Variants in CCDC138 observed in about 807,000 individuals in gnomAD.
CCDC138 encodes the protein coiled-coil domain-containing protein 138.
In CCDC138, 66 loss-of-function variants were observed where a neutral mutation model predicts 82.3. The ratio of observed to expected loss-of-function variants is 0.80; its 90% CI spans 0.66 to 0.98. The LOEUF is 0.98. Among genes scored for constraint, CCDC138 ranks in the 50% least tolerant of loss-of-function variants. CCDC138 has a pLI of 0.00. For missense variants in CCDC138, 816 were observed against 758.9 expected, an observed-to-expected ratio of 1.08 and a Z score of -0.88; for synonymous variants, 297 against 265.4, an observed-to-expected ratio of 1.12 and a Z score of -1.16.
chr2:108,786,761 G>A, upstream of CCDC138: 1 of 1,460,784 alleles, frequency 6.8e-7, no homozygotes. Context: ...CACTGCGGCC[G>A]CGTAGCGCCG....
At chr2:108,803,539 A>G (rs1322475993) in intron 6 of CCDC138, among the ~76,000 whole-genome samples, 1 of 152,162 alleles carries the variant, frequency 6.6e-6, no homozygotes, top group Non-Finnish European at 1.5e-5. Context: ...CTGCACCCTC[A>G]AGTCATCTTC....
chr2:108,866,745 C>T (rs775489314), intron 13 of CCDC138, among the ~76,000 whole-genome samples: 9 of 151,852 alleles, frequency 5.9e-5, no homozygotes, highest in East Asian at 1.9e-4. Context: ...TAGCTGGACG[C>T]GGTGACGGGT....
chr2:108,824,700 A>T (rs1686269981), intron 10 of CCDC138, among the ~76,000 whole-genome samples: 1 of 152,240 alleles, frequency 6.6e-6, no homozygotes, highest in African/African-American at 2.4e-5. Flanking sequence ...TATCTTTATC[A>T]AGTAGTATGT....
intron 10 of CCDC138, among the ~76,000 whole-genome samples, chr2:108,828,694 C>T (rs1362060288): frequency 6.6e-6 from 1 of 152,092 alleles, no homozygotes; most frequent in Non-Finnish European, 1.5e-5. Context: ...TAAAATTTAA[C>T]TCGGCTGGGC....
intron 7 of CCDC138, among the ~76,000 whole-genome samples, chr2:108,809,449 TGTGTG>T (rs1324254049): frequency 5.8e-4 from 13 of 22,330 alleles, no homozygotes; most frequent in Middle Eastern, 0.017. Context: ...CATGAAATGT[TGTGTG>T]TGTGTGTGTG....
chr2:108,812,216 A>G (rs540640837), intron 7 of CCDC138, among the ~76,000 whole-genome samples: 1 of 152,264 alleles, frequency 6.6e-6, no homozygotes, highest in East Asian at 1.9e-4. Flanking sequence ...TTCCATATAT[A>G]TATACATATC....
chr2:108,880,485 G>C (rs1696262370), downstream of CCDC138, among the ~76,000 whole-genome samples: 1 of 152,170 alleles, frequency 6.6e-6, no homozygotes, highest in Non-Finnish European at 1.5e-5. Flanking sequence ...TTCATAGCTA[G>C]AGAGGAGCCA....
At chr2:108,858,570 A>G (rs1693018350) in intron 13 of CCDC138, among the ~76,000 whole-genome samples, 1 of 152,146 alleles carries the variant, frequency 6.6e-6, no homozygotes, top group Non-Finnish European at 1.5e-5. Flanking sequence ...AGCCAGTACG[A>G]TTTATTAGAG....
At chr2:108,789,116 C>A in intron 3 of CCDC138, 150 bp downstream of exon 3, 1 of 603,558 alleles carries the variant, frequency 1.7e-6, no homozygotes, top group Non-Finnish European at 2.8e-6. Context: ...ATAGTTGAAG[C>A]GAGTCACTTA....
At chr2:108,866,105 T>C (rs1296220798) in intron 13 of CCDC138, among the ~76,000 whole-genome samples, 1 of 152,208 alleles carries the variant, frequency 6.6e-6, no homozygotes, top group Non-Finnish European at 1.5e-5. Flanking sequence ...CCTACTGGGA[T>C]GCAGGAGCCT....
chr2:108,863,271 C>G (rs1574285078), intron 13 of CCDC138, among the ~76,000 whole-genome samples: 3 of 152,224 alleles, frequency 2.0e-5, no homozygotes, highest in East Asian at 1.9e-4. Context: ...TAACAAAGCA[C>G]CAACCTAATC....
chr2:108,825,036 T>C (rs1217293675), intron 10 of CCDC138, among the ~76,000 whole-genome samples: 1 of 152,192 alleles, frequency 6.6e-6, no homozygotes, highest in Non-Finnish European at 1.5e-5. Flanking sequence ...GTACACAGAA[T>C]TACCTGTAAA....
intron 11 of CCDC138, among the ~76,000 whole-genome samples, chr2:108,842,193 A>G (rs188425778): frequency 8.9e-6 from 1 of 112,196 alleles, no homozygotes; most frequent in African/African-American, 3.0e-5. Context: ...ACACCTGGCT[A>G]ATTAAAAAGT....
chr2:108,836,531 T>C (rs1381579803), intron 10 of CCDC138, among the ~76,000 whole-genome samples: 1 of 152,212 alleles, frequency 6.6e-6, no homozygotes, highest in Non-Finnish European at 1.5e-5. Context: ...GAAGTGGGAT[T>C]GCTAGATCAT....
chr2:108,880,007 G>T (rs753246295), downstream of CCDC138, among the ~76,000 whole-genome samples: 12 of 152,142 alleles, frequency 7.9e-5, no homozygotes, highest in Non-Finnish European at 1.8e-4. Flanking sequence ...ATAAGCATGT[G>T]GTTGAGCTGG....
In CCDC138 at chr2:108,790,874, C is replaced by T. The variant is rs574146819; in HGVS notation, c.267-801C>T. Reference sequence around the variant, plus strand: ...TCAAACGATCCTCTCACCTCAGGCTCCTGAGTAGCTGGGACTACAGACGTG... The same window carrying T: ...TCAAACGATCCTCTCACCTCAGGCTTCTGAGTAGCTGGGACTACAGACGTG... On this transcript the variant is annotated intron_variant, in intron 3 of 14. Coordinates refer to ENST00000295124, the MANE Select transcript of CCDC138 (RefSeq NM_144978.3). Among the ~76,000 whole-genome samples, 21 of 152,202 alleles carry T rather than the reference C, an allele frequency of 1.4e-4. 1 individual carries two copies. In the East Asian group the frequency reaches 3.9e-3, roughly 28 times the overall value.
intron 11 of CCDC138, among the ~76,000 whole-genome samples, chr2:108,840,635 C>T (rs1689298088): frequency 6.6e-6 from 1 of 151,958 alleles, no homozygotes; most frequent in South Asian, 2.1e-4. Flanking sequence ...TTCTCTTATC[C>T]TTTTGATGTT....
In CCDC138 at chr2:108,786,899, G is replaced by A. The variant is rs1013807992; in HGVS notation, c.77G>A (p.Gly26Asp). The A allele has an allele frequency of 1.3e-6, 2 of 1,550,356 alleles. No homozygotes were observed. Among genetic ancestry groups the A allele is most frequent in the Non-Finnish European group, 1.7e-6 (2 of 1,151,372 alleles). Residue 26 changes from glycine to aspartate, a missense_variant, in exon 1 of 15, where the codon GGC becomes GAC. By Grantham distance (94) the Gly-to-Asp change is moderately conservative. Transcript: ENST00000295124. ...CTCAAAAGCCGCTACGGACTCGGGG[G>A]CAGCTGCCCCGACGAGGTGAAGCCG... ...ESLKSRYGLG[G>D]SCPDEYDFSN... is the part of the protein sequence containing the mutation.
At chr2:108,832,557 G>C (rs557987442) in intron 10 of CCDC138, among the ~76,000 whole-genome samples, 10 of 152,218 alleles carry the variant, frequency 6.6e-5, no homozygotes, top group African/African-American at 2.2e-4. Context: ...TTGTTGGTCA[G>C]GCTGGTCTGG....
Sources: allele counts gnomAD v4.1 joint callset (sites outside exome capture counted in the v4.1 genomes callset), GRCh38; gene constraint gnomAD v4.1.1; transcripts MANE v1.5; gene names NCBI Gene and HGNC (gene_info 2026-07-23, HGNC 2026-07-21).